The following FBXO28 variants were observed in gnomAD, a reference collection of about 807,000 sequenced individuals.
FBXO28 encodes the protein F-box protein 28.
FBXO28 carries 8 observed loss-of-function variants against 38.1 expected under a neutral mutation model. That is an observed-to-expected ratio of 0.21 (90% CI 0.12 to 0.38). FBXO28 has a LOEUF of 0.38. Among genes scored for constraint, FBXO28 ranks in the 10% least tolerant of loss-of-function variants. The pLI is 1.00. For synonymous variants in FBXO28, 168 were observed against 173.8 expected, an observed-to-expected ratio of 0.97 and a Z score of 0.26; for missense variants, 345 against 460.6, an observed-to-expected ratio of 0.75 and a Z score of 2.30.
intron 1 of FBXO28, among the ~76,000 whole-genome samples, chr1:224,127,408 T>C (rs1274808780): frequency 6.6e-6 from 1 of 152,140 alleles, no homozygotes; most frequent in Admixed American, 6.6e-5. Flanking sequence ...TGACCTGTGT[T>C]CTGTTAAACC....
intron 3 of FBXO28, among the ~76,000 whole-genome samples, chr1:224,139,608 G>T (rs570508143): frequency 6.6e-6 from 1 of 152,196 alleles, no homozygotes; most frequent in Non-Finnish European, 1.5e-5. Flanking sequence ...TGGGCTGGTG[G>T]CACACGCCTG....
intron 3 of FBXO28, among the ~76,000 whole-genome samples, chr1:224,138,489 T>C (rs1279468714): frequency 1.3e-5 from 2 of 151,838 alleles, no homozygotes; most frequent in African/African-American, 2.4e-5. Flanking sequence ...AAGTACCACA[T>C]TGATATTCTC....
chr1:224,121,160 A>G (rs1656762206), intron 1 of FBXO28, among the ~76,000 whole-genome samples: 1 of 152,204 alleles, frequency 6.6e-6, no homozygotes, highest in Non-Finnish European at 1.5e-5. Context: ...GCAATAGTGC[A>G]TCAGGGTTCC....
intron 3 of FBXO28, among the ~76,000 whole-genome samples, chr1:224,150,361 C>G (rs1458175427): frequency 6.6e-6 from 1 of 152,116 alleles, no homozygotes; most frequent in Non-Finnish European, 1.5e-5. Flanking sequence ...CTATATATAA[C>G]CCATATGTAA....
chr1:224,130,093 A>G (rs940626930), intron 1 of FBXO28, among the ~76,000 whole-genome samples: 2 of 152,168 alleles, frequency 1.3e-5, no homozygotes, highest in Non-Finnish European at 2.9e-5. Flanking sequence ...TGTAATCCCA[A>G]TATTCTGGGA....
rs1446830269 is a variant in FBXO28, at chr1:224,149,710, T to C, written c.517-3432T>C. Among the ~76,000 whole-genome samples the C allele has an allele frequency of 2.6e-5, 4 of 152,342 alleles. No individual in the cohort carries two copies. The South Asian group carries it at 6.2e-4, about 24-fold the overall frequency. On this transcript the variant is annotated intron_variant, in intron 3 of 4. Coordinates refer to ENST00000366862, the MANE Select transcript of FBXO28 (RefSeq NM_015176.4). ...AGAGTTTACTACATTATATGGAAGA[T>C]AGAAATTAACAAAAAGATGTACTTA...
At chr1:224,152,788 G>A (rs1318189428) in intron 3 of FBXO28, among the ~76,000 whole-genome samples, 3 of 151,898 alleles carry the variant, frequency 2.0e-5, no homozygotes, top group African/African-American at 7.3e-5. Flanking sequence ...AATTAGCCAC[G>A]CGTGATGGCG....
intron 3 of FBXO28, among the ~76,000 whole-genome samples, chr1:224,140,732 G>A (rs1370635298): frequency 6.6e-6 from 1 of 151,530 alleles, no homozygotes; most frequent in Non-Finnish European, 1.5e-5. Flanking sequence ...ATCACCTGAG[G>A]TCAAGAGTTC....
chr1:224,114,402 G>A lies in FBXO28; in HGVS notation c.267+6G>A. 2 of 1,563,060 alleles carry A rather than the reference G, an allele frequency of 1.3e-6. No individual in the cohort carries two copies. The highest frequency in any genetic ancestry group is 1.7e-6 in the Non-Finnish European group (2 of 1,150,408). On this transcript the variant is annotated splice_donor_region_variant and intron_variant, in intron 1 of 4. Coordinates refer to ENST00000366862, the MANE Select transcript of FBXO28 (RefSeq NM_015176.4). ...AAATTAGCCAGCTCCGCCTGGTGAG[G>A]CCCCCGCAGAACTCCTGCCTCCCTC...
chr1:224,123,571 G>T (rs903229201), intron 1 of FBXO28, among the ~76,000 whole-genome samples: 1 of 151,718 alleles, frequency 6.6e-6, no homozygotes, highest in African/African-American at 2.4e-5. Flanking sequence ...TATTATCGTG[G>T]TGGTGCCTTT....
intron 1 of FBXO28, among the ~76,000 whole-genome samples, chr1:224,118,263 A>G (rs985026400): frequency 4.2e-5 from 6 of 144,564 alleles, no homozygotes; most frequent in African/African-American, 1.5e-4. Context: ...AAGGGTAAAA[A>G]ATTTTTTTTC....
chr1:224,127,160 GTA>G (rs1302027893), intron 1 of FBXO28, among the ~76,000 whole-genome samples: 3 of 125,418 alleles, frequency 2.4e-5, no homozygotes, highest in African/African-American at 6.0e-5. Context: ...AAGATGTAAA[GTA>G]TTTGTGTGTG....
intron 3 of FBXO28, among the ~76,000 whole-genome samples, chr1:224,150,892 A>G (rs2102633317): frequency 6.6e-6 from 1 of 152,258 alleles, no homozygotes; most frequent in African/African-American, 2.4e-5. Flanking sequence ...TAATCTTGTC[A>G]TCCTTATTTA....
At chr1:224,116,068 T>A (rs1243907664) in intron 1 of FBXO28, among the ~76,000 whole-genome samples, 3 of 152,188 alleles carry the variant, frequency 2.0e-5, no homozygotes, top group Non-Finnish European at 4.4e-5. Context: ...TATAAATTTA[T>A]AATTTCAAAC....
intron 3 of FBXO28, among the ~76,000 whole-genome samples, chr1:224,136,859 C>G (rs541883640): frequency 6.6e-6 from 1 of 151,436 alleles, no homozygotes; most frequent in Non-Finnish European, 1.5e-5. Context: ...TTAGGCGATT[C>G]TCATGCCTCA....
intron 1 of FBXO28, among the ~76,000 whole-genome samples, chr1:224,118,948 C>G (rs575087146): frequency 6.6e-6 from 1 of 152,048 alleles, no homozygotes. Context: ...ACTGGATACT[C>G]GTGAGAGAAT....
chr1:224,119,288 C>G (rs905126995), intron 1 of FBXO28, among the ~76,000 whole-genome samples: 2 of 151,430 alleles, frequency 1.3e-5, no homozygotes, highest in African/African-American at 4.9e-5. Flanking sequence ...CACCTGCCAC[C>G]ACGCCCGGCT....
intron 3 of FBXO28, among the ~76,000 whole-genome samples, chr1:224,135,630 A>AGAAAAAG (rs59952925): frequency 1.4e-3 from 166 of 115,806 alleles, no homozygotes; most frequent in Non-Finnish European, 2.2e-3. Flanking sequence ...AAAAAAAAAA[A>AGAAAAAG]AAAAAGAAAA....
At chr1:224,137,668 C>T (rs1053604828) in intron 3 of FBXO28, among the ~76,000 whole-genome samples, 5 of 151,840 alleles carry the variant, frequency 3.3e-5, no homozygotes, top group African/African-American at 1.2e-4. Context: ...AAAGTTAAAT[C>T]CTACACTGAC....
Sources: allele counts gnomAD v4.1 joint callset (sites outside exome capture counted in the v4.1 genomes callset), GRCh38; gene constraint gnomAD v4.1.1; transcripts MANE v1.5; gene names NCBI Gene and HGNC (gene_info 2026-07-23, HGNC 2026-07-21).